The following THOC2 variants were observed in gnomAD, a reference collection of about 807,000 sequenced individuals.
THOC2 encodes the protein THO complex subunit 2, also known as THO complex 2.
A neutral mutation model predicts 128.4 loss-of-function variants in THOC2; 10 were observed. The ratio of observed to expected loss-of-function variants is 0.08; its 90% CI spans 0.05 to 0.13. THOC2 has a LOEUF of 0.13. Ranked by LOEUF, THOC2 falls within the 10% of genes least tolerant of loss-of-function variation. THOC2 has a pLI of 1.00. For synonymous variants in THOC2, 393 were observed against 396.9 expected (o/e 0.99, Z 0.12); for missense variants, 535 against 1,155.7 (o/e 0.46, Z 7.79).
chrX:123,654,266 G>A (rs1286824175), intron 12 of THOC2, among the ~76,000 whole-genome samples: 2 of 109,736 alleles, frequency 1.8e-5, no homozygotes, highest in African/African-American at 6.7e-5. Flanking sequence ...AGGGTAGGGG[G>A]TTAGGGGAGG....
rs1316869691 is a variant in THOC2 at position 123,621,503 on chromosome X, T to C, written c.3870A>G (p.Pro1290=). 8.3e-7 allele frequency: 1 copy of C among 1,203,364 alleles called. No individual in the cohort carries two copies. Among genetic ancestry groups the C allele is most frequent in the Non-Finnish European group, 1.1e-6 (1 of 893,459 alleles). The change falls in exon 31 of 39, where the codon CCA becomes CCG. Residue 1290 remains proline, a synonymous_variant. Coordinates refer to ENST00000245838, the MANE Select transcript of THOC2 (RefSeq NM_001081550.2). ...EKKEKTPATT[P]EARVLGKDGK... ...CATCTTTACCAAGTACCCTGGCCTC[T>C]GGAGTAGTAGCTGGAGTCTTTTCTT... is the stretch of plus-strand genomic sequence containing the variant.
intron 7 of THOC2, among the ~76,000 whole-genome samples, chrX:123,692,177 A>C (rs2050248511): frequency 8.9e-6 from 1 of 111,949 alleles, no homozygotes; most frequent in Non-Finnish European, 1.9e-5. Flanking sequence ...CCAAAAGAGT[A>C]GAGTTCTTAC....
intron 28 of THOC2, chrX:123,623,556 T>C: frequency 6.0e-6 from 4 of 664,072 alleles, no homozygotes; most frequent in Non-Finnish European, 8.9e-6. Flanking sequence ...TTATATTTCC[T>C]CCCAATCAAG....
intron 2 of THOC2, among the ~76,000 whole-genome samples, chrX:123,707,904 G>A (rs1020008134): frequency 1.8e-5 from 2 of 108,122 alleles, no homozygotes; most frequent in East Asian, 5.8e-4. Flanking sequence ...AAGACAGGAG[G>A]ACGGCTTGAG....
chrX:123,649,038 G>C lies in THOC2; in HGVS notation c.1387-3663C>G, dbSNP rs1376646604. On this transcript the variant is annotated intron_variant, in intron 12 of 38. Coordinates refer to ENST00000245838, the MANE Select transcript of THOC2 (RefSeq NM_001081550.2). Reference sequence around the variant, plus strand: ...CTGACTGAGAGACACTTCCCAGCAGGGGTCGACAGACACATCATACAGGAG... The same window carrying C: ...CTGACTGAGAGACACTTCCCAGCAGCGGTCGACAGACACATCATACAGGAG... 4.5e-5 allele frequency among the ~76,000 whole-genome samples: 5 copies of C among 112,219 alleles called. No individual in the cohort carries two copies. The East Asian group carries it at 1.4e-3, about 32-fold the overall frequency.
chrX:123,719,275 GA>G (rs998995857), intron 1 of THOC2, among the ~76,000 whole-genome samples: 5 of 106,507 alleles, frequency 4.7e-5, no homozygotes, highest in Admixed American at 4.0e-4. Context: ...ATGACCAACA[GA>G]AAAAAAAACC....
At chrX:123,731,606 T>C (rs2052260088) in intron 1 of THOC2, among the ~76,000 whole-genome samples, 1 of 112,166 alleles carries the variant, frequency 8.9e-6, no homozygotes, top group Non-Finnish European at 1.9e-5. Context: ...GAGTACTTAT[T>C]ATTCCCAATT....
rs781480175 is a variant in THOC2, at chrX:123,610,997, G to T, written c.4755-34C>A. On this transcript the variant is annotated intron_variant, in intron 37 of 38. Transcript: ENST00000245838. Reference sequence around the variant, plus strand: ...CAAATTAAGGGAAAACAACTTTTGGGAATGGCGGAAAGAACAGCATCTCCC... The same window carrying T: ...CAAATTAAGGGAAAACAACTTTTGGTAATGGCGGAAAGAACAGCATCTCCC... The T allele has an allele frequency of 8.7e-5, 104 of 1,191,439 alleles. 4 individuals carry two copies. The Admixed American group carries it at 2.3e-3, about 26-fold the overall frequency.
At chrX:123,619,496 C>CT (rs1263235660) in intron 32 of THOC2, 60 bp from the exon 33 acceptor site, 1 of 1,193,477 alleles carries the variant, frequency 8.4e-7, no homozygotes, top group South Asian at 1.8e-5. Context: ...CCCAGAGGAA[C>CT]TTTGGGAAGT....
Position 123,728,767 on chromosome X carries a change from T to C in THOC2, c.71+4185A>G, listed in dbSNP as rs916343973. On this transcript the variant is annotated intron_variant, in intron 1 of 38. Transcript: ENST00000245838. ...TTGGCAATTAAATTTTAAAACTTTATTGTAACTACCATTAATAAGGTAAGA... is the reference window on the plus strand; with the variant it reads ...TTGGCAATTAAATTTTAAAACTTTACTGTAACTACCATTAATAAGGTAAGA... Among the ~76,000 whole-genome samples the C allele has an allele frequency of 5.3e-5, 6 of 112,393 alleles. No homozygotes were observed. The East Asian group carries it at 8.2e-4, about 15-fold the overall frequency.
chrX:123,624,277 G>A, intron 26 of THOC2, 86 bp from the exon 27 acceptor site: 1 of 926,570 alleles, frequency 1.1e-6, no homozygotes, highest in East Asian at 3.2e-5. Context: ...CTAGATCAAT[G>A]TTTCCGTGTA....
chrX:123,638,735 C>A (rs1242397684), intron 17 of THOC2, among the ~76,000 whole-genome samples, 199 bp downstream of exon 17: 1 of 104,689 alleles, frequency 9.6e-6, no homozygotes, highest in Non-Finnish European at 1.9e-5. Context: ...CGTACACACA[C>A]ACACACACAC....
In THOC2 at chrX:123,679,020, G is replaced by A. The variant is rs1014405296; in HGVS notation, c.769-7259C>T. ...CATTTTCTCTATCCTCAAGAACACC[G>A]CTCCAAATAATTCTCACCTCTCTCC... On this transcript the variant is annotated intron_variant, in intron 8 of 38. Transcript: ENST00000245838. Among the ~76,000 whole-genome samples, 13 of 110,429 alleles carry A rather than the reference G, an allele frequency of 1.2e-4. No individual in the cohort carries two copies. In the Admixed American group the frequency reaches 1.3e-3, roughly 11 times the overall value.
Position 123,696,831 on chromosome X carries a change from T to C in THOC2, c.357A>G (p.Ser119=). The C allele has an allele frequency of 8.4e-7, 1 of 1,189,092 alleles. No individual in the cohort carries two copies. Among genetic ancestry groups the C allele is most frequent in the Non-Finnish European group, 1.1e-6 (1 of 882,764 alleles). Residue 119 remains serine (S), a synonymous_variant, in exon 6 of 39, where the codon TCA becomes TCG. Transcript: ENST00000245838. ...QLVLACLYLV[S]DTVLKERLDP... The stretch of plus-strand genomic sequence containing the variant: ...CCAGGCGTTCCTTTAGAACTGTGTC[T>C]GAAACTAAATACTGTATTAAAAAAT...
chrX:123,668,107 A>G lies in THOC2; in HGVS notation c.1017+52T>C. On this transcript the variant is annotated intron_variant, in intron 10 of 38. Coordinates refer to ENST00000245838, the MANE Select transcript of THOC2 (RefSeq NM_001081550.2). ...AATGACTATTTAGAAGTTAAATTTC[A>G]TAATTCAAAATCCAGAAGATAGTGT... 5 of 937,626 alleles carry G rather than the reference A, an allele frequency of 5.3e-6. No individual in the cohort carries two copies. In the South Asian group the frequency reaches 9.0e-5, roughly 17 times the overall value. The allele number at this position is 937,626 out of a possible 1,213,427, so 77.3% of individuals were successfully genotyped here.
At chrX:123,704,749 TC>T (rs924815058) in intron 3 of THOC2, among the ~76,000 whole-genome samples, 1 of 111,258 alleles carries the variant, frequency 9.0e-6, no homozygotes, top group Non-Finnish European at 1.9e-5. Context: ...TCCCAGCTAC[TC>T]GGGAGGCTGA....
chrX:123,690,324 T>C (rs1049923631), intron 7 of THOC2, among the ~76,000 whole-genome samples: 1 of 111,845 alleles, frequency 8.9e-6, no homozygotes, highest in Non-Finnish European at 1.9e-5. Context: ...CACAGATGTA[T>C]ACATATATTA....
In THOC2 at chrX:123,667,219, T is replaced by C; in HGVS notation, c.1077A>G (p.Gln359=). 2.5e-6 allele frequency: 3 copies of C among 1,209,151 alleles called. No homozygotes were observed. The highest frequency in any genetic ancestry group is 3.4e-6 in the Non-Finnish European group (3 of 894,239). Residue 359 remains glutamine, a synonymous_variant, in exon 11 of 39, where the codon CAA becomes CAG. Transcript: ENST00000245838. ...LEALLKIGDW[Q]HAQNIMDQMP... is the part of the protein sequence containing the mutation. ...TCTGATCCATAATGTTCTGTGCATG[T>C]TGCCAATCACCAATCTTTAATAAGG...
chrX:123,646,250 C>A (rs2048123913), intron 12 of THOC2, among the ~76,000 whole-genome samples: 1 of 112,004 alleles, frequency 8.9e-6, no homozygotes, highest in Admixed American at 9.5e-5. Flanking sequence ...ATTATATAAA[C>A]AATTTGCAGA....
Sources: allele counts gnomAD v4.1 joint callset (sites outside exome capture counted in the v4.1 genomes callset), GRCh38; gene constraint gnomAD v4.1.1; transcripts MANE v1.5; gene names NCBI Gene and HGNC (gene_info 2026-07-23, HGNC 2026-07-21).